The following ABCC3 variants were observed in gnomAD, a reference collection of about 807,000 sequenced individuals.
The protein encoded by ABCC3 is ATP-binding cassette sub-family C member 3.
Under a neutral mutation model 165.3 loss-of-function variants are expected in ABCC3, and 121 were observed. The ratio of observed to expected loss-of-function variants is 0.73; its 90% CI spans 0.63 to 0.85. ABCC3 has a LOEUF of 0.85. Among genes scored for constraint, ABCC3 ranks in the 40% least tolerant of loss-of-function variants. The pLI, the probability that ABCC3 is intolerant of heterozygous loss-of-function variation, is 0.00. For missense variants in ABCC3, 1,869 were observed against 1,964.1 expected (o/e 0.95, Z 0.92); for synonymous variants, 733 against 810.1 (o/e 0.90, Z 1.62).
intron 1 of ABCC3, among the ~76,000 whole-genome samples, chr17:50,640,678 CTAGA>C (rs2054220828): frequency 6.6e-6 from 1 of 152,172 alleles, no homozygotes; most frequent in African/African-American, 2.4e-5. Context: ...GCCACCATGC[CTAGA>C]TAATTTTTTT....
chr17:50,651,066 GAAA>G (rs57837230), intron 1 of ABCC3, among the ~76,000 whole-genome samples: 3 of 84,284 alleles, frequency 3.6e-5, no homozygotes, highest in African/African-American at 5.0e-5. Context: ...CTCCATCTCA[GAAA>G]AAAAAAAAAA....
At chr17:50,648,360 G>C (rs1597841099) in intron 1 of ABCC3, among the ~76,000 whole-genome samples, 1 of 152,294 alleles carries the variant, frequency 6.6e-6, no homozygotes, top group East Asian at 1.9e-4. Flanking sequence ...AGCAGCGGCT[G>C]CTAGGAGAAT....
intron 17 of ABCC3, 122 bp downstream of exon 17, chr17:50,669,650 GC>G: frequency 9.8e-7 from 1 of 1,022,424 alleles, no homozygotes. Flanking sequence ...CCAACTCTGT[GC>G]CAGGCACTGG....
chr17:50,658,859 GTC>G (rs1373826500), intron 6 of ABCC3, among the ~76,000 whole-genome samples: 2 of 152,208 alleles, frequency 1.3e-5, no homozygotes, highest in Admixed American at 1.3e-4. Flanking sequence ...GGATAACTGT[GTC>G]TGTGACCTGG....
chr17:50,673,085 G>T lies in ABCC3; in HGVS notation c.2356G>T (p.Ala786Ser). ...ACTGTCCGCGGTGGACTCTCATGTG[G>T]CCAAGCACATCTTTGACCACGTCAT... ...DPLSAVDSHV[A>S]KHIFDHVIGP... Residue 786 changes from alanine (A) to serine (S), a missense_variant, in exon 18 of 31, where the codon GCC becomes TCC. By Grantham distance (99) the Ala-to-Ser change is moderately conservative. Transcript: ENST00000285238. 1 of 1,614,114 alleles carries T rather than the reference G, an allele frequency of 6.2e-7. No homozygotes were observed. Among genetic ancestry groups the T allele is most frequent in the South Asian group, 1.1e-5 (1 of 91,082 alleles).
chr17:50,635,631 A>G lies in ABCC3; in HGVS notation c.45+650A>G, dbSNP rs1212299082. 1.0e-5 allele frequency: 7 copies of G among 701,170 alleles called. No individual in the cohort carries two copies. In the East Asian group the frequency reaches 1.3e-4, roughly 13 times the overall value. 43.4% of individuals were successfully genotyped at this position (701,170 alleles called of 1,614,324 possible). On this transcript the variant is annotated intron_variant, in intron 1 of 30. Coordinates refer to ENST00000285238, the MANE Select transcript of ABCC3 (RefSeq NM_003786.4). The stretch of plus-strand genomic sequence containing the variant: ...AGGGTGTCAGGATTCCTGTAGTCCA[A>G]CTCCCTTCTCACAGATGGAGAAAGG...
At chr17:50,676,236 C>A (rs11568596) in intron 22 of ABCC3, 42 bp from the exon 23 acceptor site, 1 of 1,595,220 alleles carries the variant, frequency 6.3e-7, no homozygotes, top group South Asian at 1.1e-5. Context: ...TGTGCCCGCT[C>A]ACTAGTCCAG....
At chr17:50,660,780 T>C (rs1597849545) in intron 7 of ABCC3, 143 bp from the exon 8 acceptor site, 1 of 649,514 alleles carries the variant, frequency 1.5e-6, no homozygotes, top group Non-Finnish European at 2.6e-6. Context: ...GCAATTCTTA[T>C]GCTGTCTGTT....
At chr17:50,655,415 A>C (rs573438395) in intron 1 of ABCC3, among the ~76,000 whole-genome samples, 24 of 148,624 alleles carry the variant, frequency 1.6e-4, no homozygotes, top group African/African-American at 4.2e-4. Context: ...AAAAAAAAAA[A>C]AAAAAACAAA....
Position 50,634,908 on chromosome 17 carries a change from C to T in ABCC3, c.-29C>T, listed in dbSNP as rs1598900414. The T allele has an allele frequency of 8.0e-7, 1 of 1,252,502 alleles. No homozygotes were observed. Among genetic ancestry groups the T allele is most frequent in the Non-Finnish European group, 1.0e-6 (1 of 997,750 alleles). The allele number at this position is 1,252,502 out of a possible 1,614,324, so 77.6% of individuals were successfully genotyped here. ...GCCCGCCGCTGGGTCCGACCGCGCT[C>T]GCCTTCCTTGCAGCCGCGCCTCGGC... is the stretch of plus-strand genomic sequence containing the variant. On this transcript the variant is annotated 5_prime_UTR_variant, in exon 1 of 31. Coordinates refer to ENST00000285238, the MANE Select transcript of ABCC3 (RefSeq NM_003786.4).
intron 19 of ABCC3, among the ~76,000 whole-genome samples, chr17:50,673,980 C>CTTTCTTTCTTTCTTTCTTTCTT (rs1967725765): frequency 5.3e-4 from 5 of 9,406 alleles, no homozygotes; most frequent in Admixed American, 1.3e-3. Flanking sequence ...TTCTTTCTTT[C>CTTTCTTTCTTTCTTTCTTTCTT]TCTCTCTCTC....
At chr17:50,663,420 G>A in intron 8 of ABCC3, 1 of 502,964 alleles carries the variant, frequency 2.0e-6, no homozygotes, top group Middle Eastern at 5.2e-4. Context: ...GGCAGGTGAG[G>A]CTGGTGGTGA....
chr17:50,648,403 A>T (rs986939506), intron 1 of ABCC3, among the ~76,000 whole-genome samples: 1 of 152,218 alleles, frequency 6.6e-6, no homozygotes, highest in African/African-American at 2.4e-5. Context: ...CAAGATACTT[A>T]TCCATCTCCT....
chr17:50,636,988 A>G (rs1301518114), intron 1 of ABCC3, among the ~76,000 whole-genome samples: 2 of 152,176 alleles, frequency 1.3e-5, no homozygotes, highest in Non-Finnish European at 2.9e-5. Context: ...CAGGGTTGCC[A>G]TTGCCTGGCT....
chr17:50,656,626 G>A, intron 2 of ABCC3, 76 bp from the exon 3 acceptor site: 1 of 1,531,262 alleles, frequency 6.5e-7, no homozygotes, highest in Non-Finnish European at 8.8e-7. Flanking sequence ...GGTGGCTTCA[G>A]GTACAAAGAC....
chr17:50,641,110 G>A (rs1157798176), intron 1 of ABCC3, among the ~76,000 whole-genome samples: 3 of 152,196 alleles, frequency 2.0e-5, no homozygotes, highest in African/African-American at 2.4e-5. Context: ...CTCACCCCCC[G>A]CCCCCATCGC....
intron 1 of ABCC3, chr17:50,635,344 G>A (rs12604031): frequency 0.66 from 414,804 of 630,526 alleles, 139,480 homozygotes; most frequent in East Asian, 0.93. Context: ...AATCAGCCGC[G>A]GGTTCCTGAT....
rs746169468 is a variant in ABCC3 at position 50,676,462 on chromosome 17, C to A, written c.3252C>A (p.Ala1084=). ...KDIYVVDEVL[A]PVILMLLNSF... is the part of the protein sequence containing the mutation. ...TCTATGTCGTTGATGAGGTTCTGGCCCCTGTCATCCTCATGCTGCTCAATT... is the reference window on the plus strand; with the variant it reads ...TCTATGTCGTTGATGAGGTTCTGGCACCTGTCATCCTCATGCTGCTCAATT... Residue 1084 remains alanine (A), a synonymous_variant, in exon 23 of 31, where the codon GCC becomes GCA. Coordinates refer to ENST00000285238, the MANE Select transcript of ABCC3 (RefSeq NM_003786.4). The A allele has an allele frequency of 5.6e-6, 9 of 1,614,054 alleles. No individual in the cohort carries two copies. Among genetic ancestry groups the A allele is most frequent in the Admixed American group, 3.3e-5 (2 of 60,004 alleles).
Position 50,669,186 on chromosome 17 carries a change from C to T in ABCC3, c.1984C>T (p.Pro662Ser), listed in dbSNP as rs1179841818. The T allele has an allele frequency of 3.7e-6, 6 of 1,609,272 alleles. No individual in the cohort carries two copies. The highest frequency in any genetic ancestry group is 1.1e-5 in the South Asian group (1 of 90,598). Residue 662 changes from proline (P) to serine (S), a missense_variant, in exon 16 of 31, where the codon CCT (proline) becomes TCT (serine). By Grantham distance (74) the Pro-to-Ser change is moderately conservative (BLOSUM62 -1). Coordinates refer to ENST00000285238, the MANE Select transcript of ABCC3 (RefSeq NM_003786.4). ...AGGGGCACTGGTGGCCGTGGTGGGG[C>T]CTGTGGGCTGTGGGAAGTCCTCCCT... ...PKGALVAVVGPVGCGKSSLVS... is the reference protein window; with the variant it reads ...PKGALVAVVGSVGCGKSSLVS...
Sources: allele counts gnomAD v4.1 joint callset (sites outside exome capture counted in the v4.1 genomes callset), GRCh38; gene constraint gnomAD v4.1.1; transcripts MANE v1.5; gene names NCBI Gene and HGNC (gene_info 2026-07-23, HGNC 2026-07-21).